Variants in ZC3H12B observed in about 807,000 individuals in gnomAD.
The protein encoded by ZC3H12B is zinc finger CCCH-type containing 12B.
In ZC3H12B, 7 loss-of-function variants were observed where a neutral mutation model predicts 43.9. The ratio of observed to expected loss-of-function variants is 0.16; its 90% CI spans 0.09 to 0.30. The LOEUF (loss-of-function observed/expected upper bound fraction) is 0.30. Ranked by LOEUF, ZC3H12B falls within the 10% of genes least tolerant of loss-of-function variation. The pLI is 1.00. For synonymous variants in ZC3H12B, 222 were observed against 241.7 expected, an observed-to-expected ratio of 0.92 and a Z score of 0.76; for missense variants, 475 against 670.2, an observed-to-expected ratio of 0.71 and a Z score of 3.22.
the ZC3H12B span, among the ~76,000 whole-genome samples, chrX:65,184,043 G>T: frequency 9.0e-6 from 1 of 111,036 alleles, no homozygotes; most frequent in East Asian, 2.8e-4. Context: ...GGTTGAACTT[G>T]TTCAGTTTTG....
chrX:65,115,178 T>C, the ZC3H12B span, among the ~76,000 whole-genome samples: 3 of 108,462 alleles, frequency 2.8e-5, no homozygotes, highest in Non-Finnish European at 3.8e-5. Context: ...CTGTACCCAA[T>C]GTGTAGACTT....
the ZC3H12B span, among the ~76,000 whole-genome samples, chrX:65,064,315 T>C: frequency 2.7e-5 from 3 of 112,160 alleles, no homozygotes; most frequent in African/African-American, 9.7e-5. Context: ...CTCTAAACAC[T>C]TCTTTAGCTG....
the ZC3H12B span, among the ~76,000 whole-genome samples, chrX:65,343,063 T>C: frequency 9.0e-6 from 1 of 110,664 alleles, no homozygotes; most frequent in African/African-American, 3.3e-5. Context: ...CTAGAAAATC[T>C]AGAAAAAATG....
the ZC3H12B span, among the ~76,000 whole-genome samples, chrX:65,324,491 G>T: frequency 9.1e-6 from 1 of 110,438 alleles, no homozygotes; most frequent in Admixed American, 9.6e-5. Context: ...CATAAGTTTG[G>T]TATAATATGT....
intron 3 of ZC3H12B, among the ~76,000 whole-genome samples, chrX:65,415,761 T>G (rs2066953329): frequency 1.8e-5 from 2 of 112,188 alleles, no homozygotes; most frequent in Admixed American, 9.4e-5. Context: ...TCTCTGAACC[T>G]TAGTTTAAAT....
chrX:65,227,041 G>A, the ZC3H12B span, among the ~76,000 whole-genome samples: 12 of 110,545 alleles, frequency 1.1e-4, no homozygotes, highest in Non-Finnish European at 1.7e-4. Flanking sequence ...CCTAATAGAC[G>A]TCTACAGAAC....
the ZC3H12B span, among the ~76,000 whole-genome samples, chrX:65,077,756 T>C: frequency 8.9e-6 from 1 of 112,105 alleles, no homozygotes; most frequent in Admixed American, 9.4e-5. Context: ...TTTATGCCTG[T>C]TGGCAGTTCT....
chrX:65,261,084 A>G, the ZC3H12B span, among the ~76,000 whole-genome samples: 3 of 112,039 alleles, frequency 2.7e-5, no homozygotes. Context: ...AAGTAAATTC[A>G]TTAAATCAAA....
the ZC3H12B span, among the ~76,000 whole-genome samples, chrX:65,273,724 A>G: frequency 8.9e-6 from 1 of 112,142 alleles, no homozygotes; most frequent in Admixed American, 9.4e-5. Flanking sequence ...GACAAAAAAG[A>G]AAACCCATAA....
chrX:65,235,665 G>A, the ZC3H12B span, among the ~76,000 whole-genome samples: 9 of 111,292 alleles, frequency 8.1e-5, no homozygotes, highest in South Asian at 3.8e-4. Flanking sequence ...CAACTTGGGC[G>A]CCTGTATCTA....
chrX:65,400,802 TCTGGATAATAATCTCTAC>T (rs1400951412), intron 3 of ZC3H12B, among the ~76,000 whole-genome samples: 43 of 111,833 alleles, frequency 3.8e-4, no homozygotes, highest in African/African-American at 1.4e-3. Context: ...ATTTACCTAA[TCTGGATAATAATCTCTAC>T]CTGGTGATAA....
chrX:65,225,102 G>A, the ZC3H12B span, among the ~76,000 whole-genome samples: 1 of 111,993 alleles, frequency 8.9e-6, no homozygotes, highest in African/African-American at 3.2e-5. Context: ...TGACCCCCGA[G>A]CAGCCTAACT....
the ZC3H12B span, among the ~76,000 whole-genome samples, chrX:65,188,802 G>GTTT: frequency 1.7e-3 from 171 of 100,853 alleles, no homozygotes; most frequent in African/African-American, 5.3e-3. Context: ...AAGTCTTTAA[G>GTTT]TTTTTTTTTT....
the ZC3H12B span, among the ~76,000 whole-genome samples, chrX:65,183,779 G>C: frequency 9.0e-6 from 1 of 111,350 alleles, no homozygotes; most frequent in Non-Finnish European, 1.9e-5. Flanking sequence ...TTGAGTCCTT[G>C]GTGTCTGGAT....
intron 3 of ZC3H12B, among the ~76,000 whole-genome samples, chrX:65,442,599 C>T (rs2067316402): frequency 9.0e-6 from 1 of 111,682 alleles, no homozygotes; most frequent in Non-Finnish European, 1.9e-5. Context: ...ATGGAAGCTT[C>T]ATCTGCCCAC....
At chrX:65,264,803 G>A in the ZC3H12B span, among the ~76,000 whole-genome samples, 759 of 111,738 alleles carry the variant, frequency 6.8e-3, 9 homozygotes, top group African/African-American at 0.023. Flanking sequence ...GTACAGGTCT[G>A]CTGGTAGAAT....
chrX:65,318,448 C>G, the ZC3H12B span, among the ~76,000 whole-genome samples: 1 of 105,285 alleles, frequency 9.5e-6, no homozygotes, highest in African/African-American at 3.5e-5. Context: ...GAGTTTCACT[C>G]CTGTTGCCTA....
the ZC3H12B span, among the ~76,000 whole-genome samples, chrX:65,051,316 T>G: frequency 1.3e-4 from 15 of 111,937 alleles, no homozygotes; most frequent in Non-Finnish European, 2.8e-4. Flanking sequence ...TGATCTTTTC[T>G]ATGTTTTTTT....
At chrX:65,490,518 C>G (rs758537026) in intron 1 of ZC3H12B, among the ~76,000 whole-genome samples, 1 of 110,886 alleles carries the variant, frequency 9.0e-6, no homozygotes, top group East Asian at 2.8e-4. Context: ...ACCTATTGAA[C>G]TTGTAAGAGA....
Sources: gnomAD v4.1 joint callset for allele counts (sites outside exome capture counted in the v4.1 genomes callset) on GRCh38, gnomAD v4.1.1 for gene constraint, MANE v1.5 for transcripts, NCBI Gene and HGNC (gene_info 2026-07-23, HGNC 2026-07-21) for gene names.